The following ARHGEF7 variants were observed in gnomAD, a reference collection of about 807,000 sequenced individuals.
The protein encoded by ARHGEF7 is PAK-interacting exchange factor beta.
ARHGEF7 carries 33 observed loss-of-function variants against 109.8 expected under a neutral mutation model. That is an observed-to-expected ratio of 0.30 (90% CI 0.23 to 0.40). ARHGEF7 has a LOEUF of 0.40. Ranked by LOEUF, ARHGEF7 falls within the 10% of genes least tolerant of loss-of-function variation. The pLI is 1.00. For missense variants in ARHGEF7, 938 were observed against 1,098.5 expected, an observed-to-expected ratio of 0.85 and a Z score of 2.07; for synonymous variants, 458 against 424.6, an observed-to-expected ratio of 1.08 and a Z score of -0.97.
chr13:111,210,060 G>A (rs930617851), intron 4 of ARHGEF7, 58 bp downstream of exon 4: 1 of 1,604,310 alleles, frequency 6.2e-7, no homozygotes, highest in Non-Finnish European at 8.5e-7. Flanking sequence ...AGTGTGTATG[G>A]ATATATCTGA....
intron 8 of ARHGEF7, among the ~76,000 whole-genome samples, chr13:111,249,551 G>A (rs570202561): frequency 9.9e-5 from 15 of 152,172 alleles, no homozygotes; most frequent in African/African-American, 3.6e-4. Context: ...GAAAGGGGGA[G>A]TAGAGGAAAG....
At chr13:111,167,207 A>G (rs1001906359) in intron 2 of ARHGEF7, among the ~76,000 whole-genome samples, 3 of 152,226 alleles carry the variant, frequency 2.0e-5, no homozygotes, top group Non-Finnish European at 4.4e-5. Flanking sequence ...TTGTGGTCAT[A>G]TAGCGTGAAA....
chr13:111,143,927 T>C (rs1421976045), intron 1 of ARHGEF7: 1 of 152,274 alleles, frequency 6.6e-6, no homozygotes, highest in Non-Finnish European at 1.5e-5. Flanking sequence ...AAATGTATTC[T>C]GGGTTATCTG....
chr13:111,229,122 G>A (rs541848502), intron 5 of ARHGEF7, among the ~76,000 whole-genome samples: 1 of 152,186 alleles, frequency 6.6e-6, no homozygotes, highest in South Asian at 2.1e-4. Flanking sequence ...CAGCGTTCCT[G>A]TGTGTCTTGG....
Position 111,203,350 on chromosome 13 carries a change from GT to G in ARHGEF7, c.253-1937del, listed in dbSNP as rs776862243. ...GCTTAACCCGTATTTGTTATAGGTG[GT>G]TATGTCAGCCTAGATGCTGCTCTCA... is the stretch of plus-strand genomic sequence containing the variant. On this transcript the variant is annotated intron_variant, in intron 2 of 21. Coordinates refer to ENST00000646102, the MANE Select transcript of ARHGEF7 (RefSeq NM_001354046.2). Among the ~76,000 whole-genome samples, 23 of 152,272 alleles carry G rather than the reference GT, an allele frequency of 1.5e-4. No individual in the cohort carries two copies. In the Middle Eastern group the frequency reaches 0.017, roughly 113 times the overall value.
intron 5 of ARHGEF7, among the ~76,000 whole-genome samples, chr13:111,227,934 G>A (rs1025155042): frequency 3.3e-5 from 5 of 152,220 alleles, no homozygotes; most frequent in Non-Finnish European, 5.9e-5. Context: ...GTTGTTCACA[G>A]TTACACCAGT....
chr13:111,263,585 T>G (rs1469129715), intron 8 of ARHGEF7, among the ~76,000 whole-genome samples: 1 of 152,244 alleles, frequency 6.6e-6, no homozygotes, highest in East Asian at 1.9e-4. Context: ...GGGTAGCACA[T>G]ATCCAATAAC....
intron 5 of ARHGEF7, among the ~76,000 whole-genome samples, chr13:111,227,339 A>G (rs2085345908): frequency 6.6e-6 from 1 of 152,194 alleles, no homozygotes; most frequent in Admixed American, 6.5e-5. Context: ...GAATCAGTTG[A>G]TACTGGCACA....
intron 2 of ARHGEF7, among the ~76,000 whole-genome samples, chr13:111,193,074 G>T (rs1197203439): frequency 6.6e-6 from 1 of 152,200 alleles, no homozygotes; most frequent in African/African-American, 2.4e-5. Flanking sequence ...ATTTGGCCCT[G>T]TAAATAGGGA....
chr13:111,237,999 A>T (rs958346532), intron 6 of ARHGEF7, among the ~76,000 whole-genome samples: 2 of 152,216 alleles, frequency 1.3e-5, no homozygotes, highest in Non-Finnish European at 2.9e-5. Flanking sequence ...GGAACATGGC[A>T]GGCACACAGG....
chr13:111,261,118 G>C (rs533550205), intron 8 of ARHGEF7, among the ~76,000 whole-genome samples: 20 of 152,234 alleles, frequency 1.3e-4, no homozygotes, highest in African/African-American at 4.3e-4. Context: ...AAAATGGCAA[G>C]AGTAAGTCCA....
At chr13:111,133,791 AT>A (rs769027771) in intron 1 of ARHGEF7, among the ~76,000 whole-genome samples, 39,053 of 102,810 alleles carry the variant, frequency 0.38, 9,313 homozygotes, top group Middle Eastern at 0.51. Context: ...ATATATATAT[AT>A]ATATATATAT....
chr13:111,240,931 C>G (rs373545399), intron 6 of ARHGEF7, among the ~76,000 whole-genome samples: 39 of 152,188 alleles, frequency 2.6e-4, no homozygotes, highest in African/African-American at 9.4e-4. Flanking sequence ...AAACACCTAC[C>G]GAGATTGGCA....
At chr13:111,231,073 G>A (rs1188215882) in intron 5 of ARHGEF7, among the ~76,000 whole-genome samples, 5 of 152,258 alleles carry the variant, frequency 3.3e-5, no homozygotes, top group East Asian at 1.9e-4. Context: ...TCACTGTTAC[G>A]AAGTTCACTT....
Position 111,272,760 on chromosome 13 carries a change from C to T in ARHGEF7, c.1074-1054C>T, listed in dbSNP as rs2092253394. 6.6e-6 allele frequency among the ~76,000 whole-genome samples: 1 copy of T among 152,122 alleles called. No individual in the cohort carries two copies. The highest frequency in any genetic ancestry group is 6.5e-5 in the Admixed American group (1 of 15,284). On this transcript the variant is annotated intron_variant, in intron 9 of 21. Transcript: ENST00000646102. This position sits in a 1 kb window ranked among gnomAD's most constrained non-coding sequence, Gnocchi z 5.2. ...CTCCTTTCTGTGGGCTGTACACTGTCAGATGTGTGGACTGATGGCACATGC... is the reference window on the plus strand; with the variant it reads ...CTCCTTTCTGTGGGCTGTACACTGTTAGATGTGTGGACTGATGGCACATGC...
chr13:111,293,108 C>T (rs1220241938), intron 19 of ARHGEF7: 5 of 985,280 alleles, frequency 5.1e-6, no homozygotes, highest in Non-Finnish European at 2.4e-6. Context: ...AAGCCTGTAC[C>T]ACTCTACAGT....
At chr13:111,133,810 TA>T (rs2074944098) in intron 1 of ARHGEF7, among the ~76,000 whole-genome samples, 10 of 52,612 alleles carry the variant, frequency 1.9e-4, no homozygotes, top group African/African-American at 9.1e-4. Context: ...TATATATATA[TA>T]TATTTATTAT....
chr13:111,136,187 A>G (rs553908833), intron 1 of ARHGEF7, among the ~76,000 whole-genome samples: 1 of 152,262 alleles, frequency 6.6e-6, no homozygotes. Flanking sequence ...GTGCTCCTGG[A>G]TTCGGTTTGC....
intron 1 of ARHGEF7, among the ~76,000 whole-genome samples, chr13:111,137,377 T>C (rs1369371999): frequency 2.0e-5 from 3 of 152,262 alleles, no homozygotes; most frequent in Non-Finnish European, 4.4e-5. Flanking sequence ...ACCAGCCAGA[T>C]GGTGTGCATG....
Sources: allele counts gnomAD v4.1 joint callset (sites outside exome capture counted in the v4.1 genomes callset), GRCh38; gene constraint gnomAD v4.1.1; non-coding constraint Gnocchi (gnomAD v3.1); transcripts MANE v1.5; gene names NCBI Gene and HGNC (gene_info 2026-07-23, HGNC 2026-07-21).